Variants in MPRIP observed in about 807,000 individuals in gnomAD.
The protein encoded by MPRIP is myosin phosphatase Rho-interacting protein.
Under a neutral mutation model 234.9 loss-of-function variants are expected in MPRIP, and 59 were observed. The observed-to-expected ratio is 0.25, with a 90% CI of 0.20 to 0.31. The LOEUF is 0.31. MPRIP is among the 10% of genes least tolerant of loss of function. The pLI, the probability that MPRIP is intolerant of heterozygous loss-of-function variation, is 1.00. For missense variants in MPRIP, 2,436 were observed against 3,071.0 expected (o/e 0.79, Z 4.89); for synonymous variants, 1,144 against 1,263.9 (o/e 0.91, Z 2.01).
chr17:17,153,338 C>G (rs2045646766), intron 12 of MPRIP, among the ~76,000 whole-genome samples: 1 of 152,138 alleles, frequency 6.6e-6, no homozygotes, highest in African/African-American at 2.4e-5. Context: ...ACTGACCTGG[C>G]TGCTGAGTCT....
At chr17:17,075,342 C>T (rs1302501584) in intron 1 of MPRIP, among the ~76,000 whole-genome samples, 2 of 152,152 alleles carry the variant, frequency 1.3e-5, no homozygotes, top group African/African-American at 4.8e-5. Flanking sequence ...CTGTGTTGTT[C>T]ATGTCCTATT....
At position 17,165,228 on chromosome 17, in the gene MPRIP, G is replaced by A. The variant is rs1030978692; in HGVS notation, c.3637G>A (p.Glu1213Lys). 6.1e-6 allele frequency: 8 copies of A among 1,304,166 alleles called. No individual in the cohort carries two copies. Among genetic ancestry groups the A allele is most frequent in the Non-Finnish European group, 8.1e-6 (8 of 988,978 alleles). The allele number at this position is 1,304,166 out of a possible 1,614,324, so 80.8% of individuals were successfully genotyped here. Reference sequence around the variant, plus strand: ...AACAGAAATTAAGCTCCAGGCAAAAGAAGAGATTTTAAGGAAATTTGCAAG... The same window carrying A: ...AACAGAAATTAAGCTCCAGGCAAAAAAAGAGATTTTAAGGAAATTTGCAAG... ...EETEIKLQAK[E>K]EILRKFASES... The change falls in exon 16 of 24, where the codon GAA becomes AAA. Residue 1213 changes from glutamate (E) to lysine (K), a missense_variant. Around this residue, in one of 4 missense-constraint regions of MPRIP, gnomAD observed 1,998 missense variants for 2,520.3 expected, o/e 0.79. Coordinates refer to ENST00000651222, the MANE Select transcript of MPRIP (RefSeq NM_001364716.4).
chr17:17,044,652 T>C (rs2088288245), intron 1 of MPRIP, among the ~76,000 whole-genome samples: 2 of 152,008 alleles, frequency 1.3e-5, no homozygotes, highest in South Asian at 4.2e-4. Context: ...TCAAAATTGG[T>C]AAATTTACAC....
chr17:17,141,093 C>T (rs148480467), intron 7 of MPRIP, among the ~76,000 whole-genome samples: 1 of 152,328 alleles, frequency 6.6e-6, no homozygotes, highest in Non-Finnish European at 1.5e-5. Flanking sequence ...ACCACGACTC[C>T]TCTGTCTGGA....
At chr17:17,175,453 C>G in intron 20 of MPRIP, 41 bp downstream of exon 20, 1 of 1,540,982 alleles carries the variant, frequency 6.5e-7, no homozygotes, top group East Asian at 2.4e-5. Flanking sequence ...CAGCTCTGCA[C>G]CCAGGAACCC....
chr17:17,126,658 C>T (rs772290703), intron 3 of MPRIP, 44 bp from the exon 4 acceptor site: 3 of 1,580,858 alleles, frequency 1.9e-6, no homozygotes, highest in African/African-American at 2.7e-5. Flanking sequence ...CATCTGTGGC[C>T]CCATTGGCTG....
intron 3 of MPRIP, among the ~76,000 whole-genome samples, chr17:17,082,285 ATTTTTTTTTTTTTT>A (rs71355536): frequency 1.1e-5 from 1 of 88,702 alleles, no homozygotes; most frequent in East Asian, 3.6e-4. Flanking sequence ...GCTTTTTCCA[ATTTTTTTTTTTTTT>A]TTTTTTTTTT....
In MPRIP at chr17:17,161,220, G is replaced by A. The variant is rs141310079; in HGVS notation, c.2401-20G>A. On this transcript the variant is annotated intron_variant, in intron 14 of 23. Transcript: ENST00000651222. ...TATCATTGTCATTTTGCATAAAAGT[G>A]TGTGTCTTTTTGCCAACAGCTGGAG... 1 of 1,557,086 alleles carries A rather than the reference G, an allele frequency of 6.4e-7. No individual in the cohort carries two copies. Among genetic ancestry groups the A allele is most frequent in the South Asian group, 1.1e-5 (1 of 88,400 alleles).
intron 3 of MPRIP, among the ~76,000 whole-genome samples, chr17:17,110,618 C>A (rs1341407157): frequency 1.3e-5 from 2 of 152,128 alleles, no homozygotes; most frequent in Non-Finnish European, 1.5e-5. Context: ...CCCAGCCAGG[C>A]ACTTAAGGTC....
chr17:17,168,281 G>A (rs756348183), intron 16 of MPRIP: 26 of 275,008 alleles, frequency 9.5e-5, no homozygotes, highest in Non-Finnish European at 1.4e-4. Flanking sequence ...CGGGAACCCC[G>A]TCTGGCCCAG....
chr17:17,160,928 A>G (rs1171743060), intron 14 of MPRIP, among the ~76,000 whole-genome samples: 2 of 152,202 alleles, frequency 1.3e-5, no homozygotes, highest in African/African-American at 2.4e-5. Flanking sequence ...TGGCACCTAT[A>G]TAGGGCGTGC....
chr17:17,119,784 C>T (rs1186096572), intron 3 of MPRIP, among the ~76,000 whole-genome samples: 4 of 152,224 alleles, frequency 2.6e-5, no homozygotes, highest in South Asian at 2.1e-4. Context: ...GCTTTTCATA[C>T]TCCTTAAGTG....
In MPRIP at chr17:17,143,592, G is replaced by T. The variant is rs760578116; in HGVS notation, c.1426G>T (p.Asp476Tyr). The change falls in exon 9 of 24, where the codon GAC becomes TAC. Residue 476 changes from aspartate (D) to tyrosine (Y), a missense_variant. By Grantham distance (160) the Asp-to-Tyr change is radical. Coordinates refer to ENST00000651222, the MANE Select transcript of MPRIP (RefSeq NM_001364716.4). Reference protein sequence around the residue: ...TNEAPPAPLPDASASPLSPHR... With the variant: ...TNEAPPAPLPYASASPLSPHR... Reference sequence around the variant, plus strand: ...TGAAGCCCCCCCAGCTCCTCTCCCAGACGCCTCGGCTTCCCCCCTGTCTCC... The same window carrying T: ...TGAAGCCCCCCCAGCTCCTCTCCCATACGCCTCGGCTTCCCCCCTGTCTCC... The T allele has an allele frequency of 6.2e-7, 1 of 1,603,434 alleles. No homozygotes were observed. Among genetic ancestry groups the T allele is most frequent in the Non-Finnish European group, 8.5e-7 (1 of 1,175,360 alleles).
chr17:17,113,508 G>A (rs760466875), intron 3 of MPRIP, among the ~76,000 whole-genome samples: 5 of 152,206 alleles, frequency 3.3e-5, no homozygotes, highest in African/African-American at 7.2e-5. Flanking sequence ...ATATGGCAGT[G>A]TATATACATA....
intron 1 of MPRIP, among the ~76,000 whole-genome samples, chr17:17,071,802 G>A (rs571482518): frequency 3.3e-5 from 5 of 152,236 alleles, no homozygotes; most frequent in Non-Finnish European, 7.4e-5. Flanking sequence ...TGCATAGAAA[G>A]GGGCCCTGTG....
In MPRIP at chr17:17,108,323, TAA is replaced by T. The variant is rs1164011691; in HGVS notation, c.268-18378_268-18377del. The stretch of plus-strand genomic sequence containing the variant: ...GCCCAGCAAAAAGCTGTAAGTGACT[TAA>T]TACAGCTGGGTGGCCAGCCTGGGAC... On this transcript the variant is annotated intron_variant, in intron 3 of 23. Transcript: ENST00000651222. Among the ~76,000 whole-genome samples, 3 of 152,192 alleles carry T rather than the reference TAA, an allele frequency of 2.0e-5. No homozygotes were observed. The East Asian group carries it at 5.8e-4, about 29-fold the overall frequency.
chr17:17,077,770 AAG>A (rs2089368680), intron 2 of MPRIP: 6 of 433,808 alleles, frequency 1.4e-5, no homozygotes, highest in South Asian at 3.4e-5. Flanking sequence ...AAAAAAAAAA[AAG>A]ACTTCTTATT....
intron 3 of MPRIP, among the ~76,000 whole-genome samples, chr17:17,117,176 T>C (rs893669130): frequency 2.0e-5 from 3 of 152,242 alleles, no homozygotes; most frequent in African/African-American, 7.2e-5. Context: ...CATCGTCTTC[T>C]GACCACCACC....
intron 1 of MPRIP, among the ~76,000 whole-genome samples, chr17:17,061,202 G>A (rs934145532): frequency 2.0e-5 from 3 of 152,202 alleles, no homozygotes; most frequent in Non-Finnish European, 4.4e-5. Context: ...CAGGGGTGAG[G>A]CTTGAGACTG....
Sources: gnomAD v4.1 joint callset for allele counts (sites outside exome capture counted in the v4.1 genomes callset) on GRCh38, gnomAD v4.1.1 for gene constraint, gnomAD v4.1.1 regional missense constraint, MANE v1.5 for transcripts, NCBI Gene and HGNC (gene_info 2026-07-23, HGNC 2026-07-21) for gene names.